The following SVIL variants were observed in gnomAD, a reference collection of about 807,000 sequenced individuals.
SVIL encodes the protein supervillin.
Under a neutral mutation model 240.4 loss-of-function variants are expected in SVIL, and 101 were observed. That is an observed-to-expected ratio of 0.42 (90% confidence interval 0.36 to 0.50). The LOEUF (loss-of-function observed/expected upper bound fraction) is 0.50. SVIL is among the 20% of genes least tolerant of loss of function. The pLI is 0.01. For missense variants in SVIL, 2,512 were observed against 2,818.7 expected (o/e 0.89, Z 2.46); for synonymous variants, 999 against 1,100.0 (o/e 0.91, Z 1.82).
chr10:29,498,533 T>G (rs1203838316), intron 18 of SVIL, among the ~76,000 whole-genome samples: 1 of 152,236 alleles, frequency 6.6e-6, no homozygotes, highest in Non-Finnish European at 1.5e-5. Context: ...TAGTGACAAA[T>G]GGAATTATGC....
At chr10:29,693,736 T>G (rs1000617263) in intron 1 of SVIL, among the ~76,000 whole-genome samples, 2 of 152,178 alleles carry the variant, frequency 1.3e-5, no homozygotes, top group African/African-American at 4.8e-5. Context: ...AATGCCTTAC[T>G]CAAATGTGAG....
At chr10:29,725,144 C>T (rs10826682) in intron 1 of SVIL, among the ~76,000 whole-genome samples, 26,544 of 150,060 alleles carry the variant, frequency 0.18, 2,901 homozygotes, top group East Asian at 0.28. Context: ...CGTCTTTCTA[C>T]TTGCCTGCTA....
At chr10:29,556,576 C>A (rs1030017576) in intron 3 of SVIL, among the ~76,000 whole-genome samples, 1 of 152,164 alleles carries the variant, frequency 6.6e-6, no homozygotes, top group East Asian at 1.9e-4. Flanking sequence ...TTGAGATAGC[C>A]GGCTTCAAAA....
intron 2 of SVIL, among the ~76,000 whole-genome samples, chr10:29,684,589 G>T (rs551844863): frequency 5.8e-4 from 89 of 152,268 alleles, no homozygotes; most frequent in African/African-American, 2.0e-3. Flanking sequence ...GGAGGCAAAA[G>T]TTCTTATGTA....
At position 29,575,267 on chromosome 10, in the gene SVIL, T is replaced by G. The variant is rs543288174; in HGVS notation, c.-200-5955A>C. The G allele has an allele frequency of 7.3e-5, 13 of 177,218 alleles. No individual in the cohort carries two copies. In the East Asian group the frequency reaches 1.7e-3, roughly 24 times the overall value. 11.0% of individuals were successfully genotyped at this position (177,218 alleles called of 1,614,324 possible). Reference sequence around the variant, plus strand: ...AGGAAACCATCTCTCTTAAGCATATTTGATCTAAGTGTGCATATGCATATG... The same window carrying G: ...AGGAAACCATCTCTCTTAAGCATATGTGATCTAAGTGTGCATATGCATATG... On this transcript the variant is annotated intron_variant, in intron 1 of 37. Transcript: ENST00000355867.
chr10:29,497,284 C>G (rs947530737), intron 18 of SVIL, among the ~76,000 whole-genome samples: 5 of 152,098 alleles, frequency 3.3e-5, no homozygotes, highest in African/African-American at 7.2e-5. Flanking sequence ...AGCTAAGCCT[C>G]TATATTTGAT....
In SVIL at chr10:29,554,789, G is replaced by A; in HGVS notation, c.154C>T (p.His52Tyr). Reference sequence around the variant, plus strand: ...CACCCAGCTCCACGCTCACCGATGTGGGGGCTGGCAGGGTCGCTGGCTCTC... The same window carrying A: ...CACCCAGCTCCACGCTCACCGATGTAGGGGCTGGCAGGGTCGCTGGCTCTC... The part of the protein sequence containing the change: ...YMRASDPASP[H>Y]IGRSNEEEET... The change falls in exon 5 of 38, where the codon CAC becomes TAC. Residue 52 changes from histidine (H) to tyrosine (Y), a missense_variant. His to Tyr is a moderately conservative substitution (Grantham distance 83). Coordinates refer to ENST00000355867, the MANE Select transcript of SVIL (RefSeq NM_021738.3). 4 of 1,596,294 alleles carry A rather than the reference G, an allele frequency of 2.5e-6. No individual in the cohort carries two copies. Among genetic ancestry groups the A allele is most frequent in the Non-Finnish European group, 2.6e-6 (3 of 1,172,424 alleles).
intron 1 of SVIL, chr10:29,576,121 G>T (rs1955684716): frequency 3.0e-5 from 30 of 985,182 alleles, no homozygotes; most frequent in Non-Finnish European, 3.6e-5. Context: ...AATACGTTTG[G>T]CTTCATTTTC....
intron 1 of SVIL, among the ~76,000 whole-genome samples, chr10:29,583,868 G>T (rs1462982155): frequency 6.6e-6 from 1 of 152,190 alleles, no homozygotes; most frequent in African/African-American, 2.4e-5. Flanking sequence ...TTATGCGTGG[G>T]TGTAACATCT....
intron 21 of SVIL, among the ~76,000 whole-genome samples, chr10:29,491,547 C>T (rs1240327116): frequency 6.6e-6 from 1 of 152,188 alleles, no homozygotes; most frequent in Non-Finnish European, 1.5e-5. Flanking sequence ...CGCACTGCCT[C>T]CTCTGAAAAA....
At chr10:29,577,216 C>T (rs547595311) in intron 1 of SVIL, among the ~76,000 whole-genome samples, 1 of 152,238 alleles carries the variant, frequency 6.6e-6, no homozygotes, top group East Asian at 1.9e-4. Flanking sequence ...TTTTTGGGTA[C>T]AGGTGGTTTT....
intron 34 of SVIL, 56 bp downstream of exon 34, chr10:29,465,539 C>T (rs1944808285): frequency 6.5e-7 from 1 of 1,539,750 alleles, no homozygotes; most frequent in African/African-American, 1.4e-5. Context: ...AATCAAAAGG[C>T]TTTCTGGAAG....
chr10:29,561,808 C>T (rs1282995688), intron 3 of SVIL, among the ~76,000 whole-genome samples: 6 of 152,162 alleles, frequency 3.9e-5, no homozygotes, highest in Non-Finnish European at 8.8e-5. Context: ...TCTCATCTGC[C>T]TCCTTGTAAT....
intron 1 of SVIL, among the ~76,000 whole-genome samples, chr10:29,605,634 A>G (rs1451914912): frequency 4.6e-5 from 7 of 150,794 alleles, no homozygotes; most frequent in Non-Finnish European, 1.0e-4. Flanking sequence ...TGTGAGTGGC[A>G]AATAGTTTTC....
At position 29,661,058 on chromosome 10, in the gene SVIL, T is replaced by C. The variant is rs932100344; in HGVS notation, c.-300-2990A>G. Among the ~76,000 whole-genome samples the C allele has an allele frequency of 8.6e-5, 13 of 152,026 alleles. No individual in the cohort carries two copies. The East Asian group carries it at 2.3e-3, about 27-fold the overall frequency. On this transcript the variant is annotated intron_variant, in intron 2 of 35. Transcript: ENST00000375400. ...GGCACATGCCTGTAGTCCCAGCTATTCGGAAGGCTGAGGCAGGAGAATCGC... is the reference window on the plus strand; with the variant it reads ...GGCACATGCCTGTAGTCCCAGCTATCCGGAAGGCTGAGGCAGGAGAATCGC...
intron 2 of SVIL, among the ~76,000 whole-genome samples, chr10:29,675,412 G>A (rs946800183): frequency 6.6e-6 from 1 of 152,188 alleles, no homozygotes; most frequent in Non-Finnish European, 1.5e-5. Context: ...ACTGAGGCTG[G>A]AGGATCATTT....
At chr10:29,704,421 C>T (rs1279737918) in intron 1 of SVIL, among the ~76,000 whole-genome samples, 3 of 151,804 alleles carry the variant, frequency 2.0e-5, no homozygotes, top group South Asian at 4.2e-4. Context: ...CTCATGCTTT[C>T]TCTCTCTCTC....
chr10:29,689,283 C>T (rs1961317011), intron 1 of SVIL, among the ~76,000 whole-genome samples: 1 of 151,926 alleles, frequency 6.6e-6, no homozygotes, highest in Admixed American at 6.6e-5. Context: ...AGTCTCTTTT[C>T]TTTGTTTTCT....
chr10:29,614,808 A>T (rs1364000223), intron 1 of SVIL, among the ~76,000 whole-genome samples: 1 of 152,124 alleles, frequency 6.6e-6, no homozygotes, highest in Non-Finnish European at 1.5e-5. Context: ...CTTAAAGTAT[A>T]AAAAAAATCC....
Sources: gnomAD v4.1 joint callset for allele counts (sites outside exome capture counted in the v4.1 genomes callset) on GRCh38, gnomAD v4.1.1 for gene constraint, MANE v1.5 for transcripts, NCBI Gene and HGNC (gene_info 2026-07-23, HGNC 2026-07-21) for gene names.